NMNAT3: variants seen among roughly 807,000 people sequenced by gnomAD.
The protein encoded by NMNAT3 is nicotinamide nucleotide adenylyltransferase 3, also known as nicotinamide/nicotinic acid mononucleotide adenylyltransferase 3.
In NMNAT3, 21 loss-of-function variants were observed where a neutral mutation model predicts 24.8. The ratio of observed to expected loss-of-function variants is 0.85; its 90% confidence interval spans 0.60 to 1.22. The LOEUF is 1.22. Among genes scored for constraint, NMNAT3 ranks in the 50% most tolerant of loss-of-function variants. The probability of loss-of-function intolerance (pLI) is 0.00; values close to 1 mark genes in which losing one functional copy is unlikely to be tolerated. For missense variants in NMNAT3, 387 were observed against 436.6 expected (o/e 0.89, Z 1.01); for synonymous variants, 136 against 155.2 (o/e 0.88, Z 0.92).
chr3:139,644,575 G>A (rs1411698481), intron 1 of NMNAT3, among the ~76,000 whole-genome samples: 1 of 152,172 alleles, frequency 6.6e-6, no homozygotes, highest in Non-Finnish European at 1.5e-5. Flanking sequence ...AGTTGTATAG[G>A]CTGAGGAGTA....
intron 5 of NMNAT3, among the ~76,000 whole-genome samples, chr3:139,578,314 CT>C (rs1230374288): frequency 6.6e-6 from 1 of 152,030 alleles, no homozygotes; most frequent in East Asian, 1.9e-4. Flanking sequence ...GATTTATAGT[CT>C]TTTTTTTCTA....
chr3:139,640,859 G>A (rs2056676294), intron 1 of NMNAT3, among the ~76,000 whole-genome samples: 1 of 152,212 alleles, frequency 6.6e-6, no homozygotes, highest in African/African-American at 2.4e-5. Context: ...GCAGATAACT[G>A]CAAATCTAGG....
intron 2 of NMNAT3, among the ~76,000 whole-genome samples, chr3:139,630,843 A>G (rs2056265891): frequency 6.6e-6 from 1 of 152,148 alleles, no homozygotes; most frequent in Non-Finnish European, 1.5e-5. Flanking sequence ...CAAGCTATTC[A>G]CAAGAGCAGC....
intron 3 of NMNAT3, among the ~76,000 whole-genome samples, chr3:139,600,437 C>G (rs2054662301): frequency 6.6e-6 from 1 of 151,970 alleles, no homozygotes; most frequent in South Asian, 2.1e-4. Flanking sequence ...TTCCGAGTAG[C>G]TGGGATTACA....
chr3:139,673,950 C>G (rs2057843021), intron 1 of NMNAT3, among the ~76,000 whole-genome samples: 1 of 152,064 alleles, frequency 6.6e-6, no homozygotes, highest in Non-Finnish European at 1.5e-5. Flanking sequence ...TATGGGAAGG[C>G]TGAGGAGGGA....
chr3:139,668,484 A>C (rs1057289409), intron 1 of NMNAT3, among the ~76,000 whole-genome samples: 2 of 152,242 alleles, frequency 1.3e-5, no homozygotes, highest in Non-Finnish European at 2.9e-5. Flanking sequence ...ACATGATAGA[A>C]GGACAAAAGG....
At chr3:139,582,797 ATAAAG>A (rs1338817981) in intron 4 of NMNAT3, 4 of 452,114 alleles carry the variant, frequency 8.8e-6, no homozygotes, top group Non-Finnish European at 1.5e-5. Flanking sequence ...AAATAGAGAA[ATAAAG>A]TAAATGTGGC....
chr3:139,602,056 C>T (rs966680122), intron 3 of NMNAT3, among the ~76,000 whole-genome samples: 5 of 152,204 alleles, frequency 3.3e-5, no homozygotes, highest in African/African-American at 1.2e-4. Context: ...GTAATTTACA[C>T]TCAAGGAAGC....
intron 1 of NMNAT3, among the ~76,000 whole-genome samples, chr3:139,674,731 ACT>A (rs1417028597): frequency 1.3e-5 from 2 of 152,026 alleles, no homozygotes; most frequent in Non-Finnish European, 2.9e-5. Context: ...TCCAGATGGG[ACT>A]CAGTTCAGAA....
chr3:139,576,864 T>G (rs900109988), intron 5 of NMNAT3, among the ~76,000 whole-genome samples: 1 of 152,130 alleles, frequency 6.6e-6, no homozygotes, highest in Non-Finnish European at 1.5e-5. Context: ...GAGACCAGCC[T>G]GGCCAACATG....
At chr3:139,607,310 C>T (rs546925623) in intron 3 of NMNAT3, among the ~76,000 whole-genome samples, 31 of 152,154 alleles carry the variant, frequency 2.0e-4, no homozygotes, top group African/African-American at 6.7e-4. Context: ...TTATTTTAGC[C>T]TCCACTCCTT....
At chr3:139,608,674 A>G (rs997381357) in intron 3 of NMNAT3, among the ~76,000 whole-genome samples, 1 of 152,192 alleles carries the variant, frequency 6.6e-6, no homozygotes. Context: ...TTATACCACA[A>G]TGTCACAACC....
intron 6 of NMNAT3, chr3:139,565,829 G>A (rs1937110671): frequency 6.6e-6 from 1 of 152,206 alleles, no homozygotes; most frequent in East Asian, 1.9e-4. Flanking sequence ...ACATACGTGT[G>A]CATGTGTCTT....
intron 3 of NMNAT3, among the ~76,000 whole-genome samples, chr3:139,593,955 T>C (rs2054321485): frequency 6.7e-6 from 1 of 148,422 alleles, no homozygotes; most frequent in Admixed American, 6.7e-5. Context: ...AAGAAATAAC[T>C]AAAATCAGAG....
intron 3 of NMNAT3, among the ~76,000 whole-genome samples, chr3:139,596,721 G>C (rs1054722875): frequency 2.0e-5 from 3 of 151,620 alleles, no homozygotes; most frequent in African/African-American, 7.3e-5. Context: ...TCACCGGAAA[G>C]CCAATCAATA....
At chr3:139,651,476 T>C (rs2057054047) in intron 1 of NMNAT3, among the ~76,000 whole-genome samples, 1 of 152,240 alleles carries the variant, frequency 6.6e-6, no homozygotes, top group South Asian at 2.1e-4. Flanking sequence ...AGGGGAAGGC[T>C]GCCTAACATC....
At chr3:139,612,963 C>A (rs2055300312) in intron 3 of NMNAT3, among the ~76,000 whole-genome samples, 1 of 152,186 alleles carries the variant, frequency 6.6e-6, no homozygotes, top group Non-Finnish European at 1.5e-5. Context: ...CTCTTCCTTA[C>A]ACCTTATACA....
At chr3:139,636,675 A>G (rs1202144797) in intron 2 of NMNAT3, 3 of 152,204 alleles carry the variant, frequency 2.0e-5, no homozygotes, top group Admixed American at 6.5e-5. Flanking sequence ...TCAATTTGCA[A>G]TTTGTGGACA....
At chr3:139,578,145 T>C (rs2108087115) in intron 5 of NMNAT3, among the ~76,000 whole-genome samples, 1 of 152,220 alleles carries the variant, frequency 6.6e-6, no homozygotes, top group East Asian at 1.9e-4. Context: ...TGGGACTTCC[T>C]GCTTCTCTGG....
Sources: allele counts gnomAD v4.1 joint callset (sites outside exome capture counted in the v4.1 genomes callset), GRCh38; gene constraint gnomAD v4.1.1; transcripts MANE v1.5; gene names NCBI Gene and HGNC (gene_info 2026-07-23, HGNC 2026-07-21).